Variants in CEP85L observed in about 807,000 individuals in gnomAD.
CEP85L encodes the protein centrosomal protein 85L.
CEP85L carries 60 observed loss-of-function variants against 100.3 expected under a neutral mutation model. The observed-to-expected ratio is 0.60, with a 90% CI of 0.49 to 0.74. CEP85L has a LOEUF of 0.74. Among genes scored for constraint, CEP85L ranks in the 30% least tolerant of loss-of-function variants. The pLI is 0.00. For missense variants in CEP85L, 973 were observed against 936.2 expected (o/e 1.04, Z -0.51); for synonymous variants, 319 against 322.7 (o/e 0.99, Z 0.12).
rs528009337 is a variant in CEP85L, at chr6:118,555,905, G to C, written c.1020+9624C>G. Among the ~76,000 whole-genome samples the C allele has an allele frequency of 3.3e-5, 5 of 152,130 alleles. No individual in the cohort carries two copies. The South Asian group carries it at 1.0e-3, about 32-fold the overall frequency. ...CTGTAAGTGAGAACCTGTGGTATTT[G>C]GTTTTCTTTTCCTATGTTAGTTTGC... On this transcript the variant is annotated intron_variant, in intron 3 of 12. Transcript: ENST00000368491.
intron 2 of CEP85L, among the ~76,000 whole-genome samples, chr6:118,575,706 T>C (rs1054279451): frequency 3.9e-5 from 6 of 152,206 alleles, no homozygotes; most frequent in Admixed American, 1.3e-4. Context: ...AAGGAACTCA[T>C]TGGGGTCCTC....
intron 3 of CEP85L, among the ~76,000 whole-genome samples, chr6:118,529,608 CAAAAAAAAAAAAAAAA>C (rs55732442): frequency 3.2e-5 from 3 of 92,490 alleles, no homozygotes; most frequent in East Asian, 4.2e-4. Flanking sequence ...ACTCTGTCTC[CAAAAAAAAAAAAAAAA>C]AAAAAAAAAA....
At chr6:118,691,975 C>G (rs1274410929) in intron 1 of CEP85L, among the ~76,000 whole-genome samples, 1 of 151,984 alleles carries the variant, frequency 6.6e-6, no homozygotes, top group African/African-American at 2.4e-5. Context: ...CGGCTATGTC[C>G]CTAGAGATGT....
chr6:118,572,272 TAAAA>T (rs572307069), intron 2 of CEP85L, among the ~76,000 whole-genome samples: 4 of 107,646 alleles, frequency 3.7e-5, no homozygotes, highest in Non-Finnish European at 7.3e-5. Context: ...ACCCATTCTT[TAAAA>T]AAAAAAAAAA....
upstream of CEP85L, among the ~76,000 whole-genome samples, chr6:118,653,221 G>A (rs964858142): frequency 6.6e-6 from 1 of 152,118 alleles, no homozygotes; most frequent in African/African-American, 2.4e-5. Context: ...AAGTACATGC[G>A]AAGGTGAAAG....
In CEP85L at chr6:118,633,919, C is replaced by T. The variant is rs532263600; in HGVS notation, c.74-1308G>A. ...TTAGGCTCTCATTTCAATGACAGTT[C>T]TTAAAAAATTAATAAGCACATTACA... On this transcript the variant is annotated intron_variant, in intron 1 of 12. Transcript: ENST00000368491. Among the ~76,000 whole-genome samples, 78 of 152,268 alleles carry T rather than the reference C, an allele frequency of 5.1e-4. 3 individuals carry two copies. In the South Asian group the frequency reaches 0.015, roughly 30 times the overall value.
rs1324871172 is a variant in CEP85L at position 118,598,401 on chromosome 6, T to C, written c.233-32085A>G. On this transcript the variant is annotated intron_variant, in intron 2 of 12. Transcript: ENST00000368491. ...TTTTAACCCCTAGAAGCTGTGAATGTGACCTTATTTGGAAATAGGGTCTTT... is the reference window on the plus strand; with the variant it reads ...TTTTAACCCCTAGAAGCTGTGAATGCGACCTTATTTGGAAATAGGGTCTTT... Among the ~76,000 whole-genome samples the C allele has an allele frequency of 2.0e-5, 3 of 152,242 alleles. No homozygotes were observed. In the East Asian group the frequency reaches 5.8e-4, roughly 29 times the overall value.
chr6:118,528,855 G>C (rs1020238298), intron 3 of CEP85L, among the ~76,000 whole-genome samples: 2 of 152,130 alleles, frequency 1.3e-5, no homozygotes, highest in African/African-American at 2.4e-5. Context: ...GTCTCAAACA[G>C]CAAGGCAACT....
chr6:118,542,865 T>A (rs1392504892), intron 3 of CEP85L, among the ~76,000 whole-genome samples: 2 of 94,508 alleles, frequency 2.1e-5, no homozygotes, highest in Non-Finnish European at 3.8e-5. Context: ...AGGAGCCACA[T>A]AACCAAACTG....
At chr6:118,674,738 T>C (rs940782368) in intron 1 of CEP85L, among the ~76,000 whole-genome samples, 2 of 152,062 alleles carry the variant, frequency 1.3e-5, no homozygotes, top group African/African-American at 4.8e-5. Flanking sequence ...ATTAGAGAAA[T>C]GCAAATCATA....
At chr6:118,632,709 TA>T in intron 1 of CEP85L, 98 bp from the exon 2 acceptor site, 9 of 889,016 alleles carry the variant, frequency 1.0e-5, no homozygotes, top group Non-Finnish European at 8.1e-6. Context: ...ATAAAAGGTA[TA>T]AAAGGTTCTT....
intron 3 of CEP85L, among the ~76,000 whole-genome samples, chr6:118,557,854 A>T (rs1443153736): frequency 1.3e-5 from 2 of 152,116 alleles, no homozygotes; most frequent in African/African-American, 4.8e-5. Flanking sequence ...ATGGAGCTGG[A>T]TGTGCTCCTG....
intron 2 of CEP85L, among the ~76,000 whole-genome samples, chr6:118,603,213 A>G (rs1781872340): frequency 7.9e-6 from 1 of 125,882 alleles, no homozygotes; most frequent in Non-Finnish European, 1.6e-5. Context: ...TGGGGTCCCA[A>G]GATAACTTGG....
intron 5 of CEP85L, among the ~76,000 whole-genome samples, chr6:118,504,994 CA>C (rs1158255482): frequency 6.6e-6 from 1 of 151,956 alleles, no homozygotes; most frequent in Non-Finnish European, 1.5e-5. Flanking sequence ...TCATAATTGC[CA>C]AAACTTGGAA....
intron 10 of CEP85L, among the ~76,000 whole-genome samples, chr6:118,476,703 C>CTGTGTCA (rs1363898858): frequency 5.3e-5 from 8 of 152,276 alleles, no homozygotes; most frequent in Non-Finnish European, 1.0e-4. Flanking sequence ...ATAGAACAGA[C>CTGTGTCA]TGTGTCACAG....
intron 4 of CEP85L, among the ~76,000 whole-genome samples, chr6:118,519,560 GTGTGTGTGTGTGTGTGTGTGT>G (rs1776525224): frequency 6.7e-5 from 1 of 14,830 alleles, no homozygotes; most frequent in African/African-American, 1.9e-4. Context: ...GTGTGTGTGT[GTGTGTGTGTGTGTGTGTGTGT>G]GGCGGGGGGG....
rs760585658 is a variant in CEP85L at position 118,565,765 on chromosome 6, T to C, written c.784A>G (p.Ser262Gly). The C allele has an allele frequency of 3.7e-6, 6 of 1,614,212 alleles. No individual in the cohort carries two copies. The East Asian group carries it at 1.3e-4, about 36-fold the overall frequency. ...VDMTYSALPESKPIMTSSEAF... is the reference protein window; with the variant it reads ...VDMTYSALPEGKPIMTSSEAF... ...TCTGAGCTTGTCATAATGGGCTTGC[T>C]TTCAGGTAAGGCACTATATGTCATG... The change falls in exon 3 of 13, where the codon AGC becomes GGC. Residue 262 changes from serine to glycine, a missense_variant. Physicochemically the swap from Ser to Gly is moderately conservative, Grantham distance 56 (BLOSUM62 0). Coordinates refer to ENST00000368491, the MANE Select transcript of CEP85L (RefSeq NM_001042475.3).
intron 2 of CEP85L, among the ~76,000 whole-genome samples, chr6:118,587,104 T>G (rs772830843): frequency 1.3e-5 from 2 of 152,236 alleles, no homozygotes; most frequent in Non-Finnish European, 2.9e-5. Flanking sequence ...TTGTTGGGTC[T>G]GTCCTAAGTG....
At chr6:118,520,900 A>C (rs1776626340) in intron 4 of CEP85L, among the ~76,000 whole-genome samples, 1 of 152,080 alleles carries the variant, frequency 6.6e-6, no homozygotes. Flanking sequence ...TAATCTATAC[A>C]CTTTTTCTCA....
Sources: gnomAD v4.1 joint callset for allele counts (sites outside exome capture counted in the v4.1 genomes callset) on GRCh38, gnomAD v4.1.1 for gene constraint, MANE v1.5 for transcripts, NCBI Gene and HGNC (gene_info 2026-07-23, HGNC 2026-07-21) for gene names.